PTPRT: variants seen among roughly 807,000 people sequenced by gnomAD.
PTPRT encodes the protein protein tyrosine phosphatase receptor type T, also known as receptor-type tyrosine-protein phosphatase T.
A neutral mutation model predicts 176.8 loss-of-function variants in PTPRT; 56 were observed. That is an observed-to-expected ratio of 0.32 (90% confidence interval 0.26 to 0.40). The LOEUF (loss-of-function observed/expected upper bound fraction) is 0.40. PTPRT is among the 10% of genes least tolerant of loss of function. The pLI, the probability that PTPRT is intolerant of heterozygous loss-of-function variation, is 1.00. For missense variants in PTPRT, 1,540 were observed against 1,908.2 expected (o/e 0.81, Z 3.60); for synonymous variants, 783 against 739.0 (o/e 1.06, Z -0.96).
intron 9 of PTPRT, among the ~76,000 whole-genome samples, chr20:42,434,119 C>A (rs1184676327): frequency 6.6e-6 from 1 of 151,866 alleles, no homozygotes; most frequent in Non-Finnish European, 1.5e-5. Flanking sequence ...TGCAAATGCA[C>A]AAGAACTAGA....
At chr20:42,225,844 G>A (rs2055996654) in intron 15 of PTPRT, among the ~76,000 whole-genome samples, 1 of 152,038 alleles carries the variant, frequency 6.6e-6, no homozygotes, top group Non-Finnish European at 1.5e-5. Flanking sequence ...GTAGAGATGG[G>A]GTCTCGCCAT....
At chr20:42,720,223 G>A (rs1461411378) in intron 6 of PTPRT, among the ~76,000 whole-genome samples, 2 of 152,184 alleles carry the variant, frequency 1.3e-5, no homozygotes, top group Non-Finnish European at 2.9e-5. Context: ...CCTTTGTACC[G>A]AACCGTGGGC....
intron 11 of PTPRT, among the ~76,000 whole-genome samples, chr20:42,324,484 A>G (rs1489996070): frequency 6.6e-6 from 1 of 152,228 alleles, no homozygotes; most frequent in Non-Finnish European, 1.5e-5. Context: ...AAAGAATTGT[A>G]CACTTAACAT....
At chr20:43,162,019 G>C (rs1246311861) in intron 1 of PTPRT, among the ~76,000 whole-genome samples, 3 of 152,210 alleles carry the variant, frequency 2.0e-5, no homozygotes, top group Non-Finnish European at 4.4e-5. Context: ...ACATTACCAT[G>C]CTAATATGGT....
intron 6 of PTPRT, among the ~76,000 whole-genome samples, chr20:42,698,839 C>T (rs536527678): frequency 1.4e-3 from 211 of 150,030 alleles, no homozygotes; most frequent in Non-Finnish European, 2.5e-3. Context: ...TCAGAGGCAA[C>T]AATGAATGCA....
At chr20:42,907,465 GT>G (rs141380581) in intron 1 of PTPRT, among the ~76,000 whole-genome samples, 183 of 151,594 alleles carry the variant, frequency 1.2e-3, no homozygotes, top group African/African-American at 3.4e-3. Context: ...AAACATTGAA[GT>G]TTTTTTTTAA....
chr20:43,023,467 A>G (rs1452550446), intron 1 of PTPRT, among the ~76,000 whole-genome samples: 1 of 152,182 alleles, frequency 6.6e-6, no homozygotes, highest in African/African-American at 2.4e-5. Flanking sequence ...TAGGTGGCCC[A>G]TGCTGCCAAG....
intron 12 of PTPRT, among the ~76,000 whole-genome samples, chr20:42,284,190 C>T (rs2057188789): frequency 6.6e-6 from 1 of 152,018 alleles, no homozygotes; most frequent in Non-Finnish European, 1.5e-5. Flanking sequence ...CTTATTGATA[C>T]ATGATTATAT....
At chr20:42,159,520 T>C (rs912994362) in intron 17 of PTPRT, among the ~76,000 whole-genome samples, 1 of 152,124 alleles carries the variant, frequency 6.6e-6, no homozygotes, top group Non-Finnish European at 1.5e-5. Flanking sequence ...ACAGAAAGCA[T>C]GCTCACATGC....
chr20:43,071,392 C>A (rs567244054), intron 1 of PTPRT, among the ~76,000 whole-genome samples: 1 of 152,316 alleles, frequency 6.6e-6, no homozygotes, highest in East Asian at 1.9e-4. Context: ...CTCATGGATG[C>A]TCGAGTTTGA....
chr20:42,301,750 C>A (rs2057471317), intron 12 of PTPRT, among the ~76,000 whole-genome samples: 1 of 151,864 alleles, frequency 6.6e-6, no homozygotes, highest in African/African-American at 2.4e-5. Flanking sequence ...GTATAGAGAG[C>A]TTATTAACAT....
At chr20:42,084,452 A>G (rs375411205) in intron 29 of PTPRT, among the ~76,000 whole-genome samples, 6 of 152,240 alleles carry the variant, frequency 3.9e-5, no homozygotes, top group African/African-American at 1.4e-4. Context: ...AAAGACCACT[A>G]GGTTTTGCAT....
At chr20:42,386,565 C>T (rs986571332) in intron 9 of PTPRT, among the ~76,000 whole-genome samples, 1 of 152,128 alleles carries the variant, frequency 6.6e-6, no homozygotes, top group Non-Finnish European at 1.5e-5. Flanking sequence ...CTTGACATTG[C>T]TTCTATCTTT....
chr20:43,105,225 C>T (rs1028226097), intron 1 of PTPRT, among the ~76,000 whole-genome samples: 2 of 152,156 alleles, frequency 1.3e-5, no homozygotes, highest in African/African-American at 4.8e-5. Flanking sequence ...CAGGGGTCTA[C>T]AATCTGCGTT....
rs574945206 is a variant in PTPRT at position 43,143,259 on chromosome 20, C to T, written c.88+46387G>A. 2.6e-5 allele frequency among the ~76,000 whole-genome samples: 4 copies of T among 152,244 alleles called. No individual in the cohort carries two copies. In the South Asian group the frequency reaches 8.3e-4, roughly 32 times the overall value. ...GTAAGTGGTGCCCATTTCTGCTATC[C>T]CTCTCCCTCCTCCCTTCAACTTTCC... On this transcript the variant is annotated intron_variant, in intron 1 of 30. Coordinates refer to ENST00000373187, the MANE Select transcript of PTPRT (RefSeq NM_007050.6).
intron 1 of PTPRT, among the ~76,000 whole-genome samples, chr20:43,187,959 AGCACTGGACAGCTTC>A (rs2015436310): frequency 6.6e-6 from 1 of 152,236 alleles, no homozygotes; most frequent in South Asian, 2.1e-4. Flanking sequence ...GGCGGCGTTC[AGCACTGGACAGCTTC>A]CCGAGCCGGT....
At chr20:42,579,010 A>C (rs2073321109) in intron 7 of PTPRT, among the ~76,000 whole-genome samples, 1 of 151,140 alleles carries the variant, frequency 6.6e-6, no homozygotes, top group South Asian at 2.1e-4. Flanking sequence ...TGCACCCATT[A>C]ACTCGTCATT....
the PTPRT span, among the ~76,000 whole-genome samples, chr20:42,033,456 T>C: frequency 6.6e-6 from 1 of 152,184 alleles, no homozygotes; most frequent in African/African-American, 2.4e-5. Flanking sequence ...TCTCAGGATC[T>C]GGAGGGTTCT....
intron 2 of PTPRT, among the ~76,000 whole-genome samples, chr20:42,856,770 T>A (rs2078570896): frequency 6.6e-6 from 1 of 152,016 alleles, no homozygotes; most frequent in South Asian, 2.1e-4. Context: ...AAAAACCAAG[T>A]TCACGTATTT....
Sources: allele counts gnomAD v4.1 joint callset (sites outside exome capture counted in the v4.1 genomes callset), GRCh38; gene constraint gnomAD v4.1.1; transcripts MANE v1.5; gene names NCBI Gene and HGNC (gene_info 2026-07-23, HGNC 2026-07-21).